The following TRPM7 variants were observed in gnomAD, a reference collection of about 807,000 sequenced individuals.
The protein encoded by TRPM7 is transient receptor potential cation channel subfamily M member 7.
TRPM7 carries 134 observed loss-of-function variants against 229.7 expected under a neutral mutation model. That is an observed-to-expected ratio of 0.58 (90% CI 0.51 to 0.67). The LOEUF (loss-of-function observed/expected upper bound fraction) is 0.67, where lower values mean the gene tolerates loss of function less well. Ranked by LOEUF, TRPM7 falls within the 30% of genes least tolerant of loss-of-function variation. The pLI is 0.00. For missense variants in TRPM7, 1,901 were observed against 2,210.0 expected (o/e 0.86, Z 2.80); for synonymous variants, 699 against 715.2 (o/e 0.98, Z 0.36).
At chr15:50,642,323 C>T (rs923135511) in intron 5 of TRPM7, among the ~76,000 whole-genome samples, 6 of 152,232 alleles carry the variant, frequency 3.9e-5, no homozygotes, top group African/African-American at 1.2e-4. Flanking sequence ...TATACCATCT[C>T]TGTCACAACT....
At position 50,605,005 on chromosome 15, in the gene TRPM7, G is replaced by A; in HGVS notation, c.2849C>T (p.Ala950Val). The change falls in exon 21 of 39, where the codon GCA becomes GTA. Residue 950 changes from alanine to valine, a missense_variant. Physicochemically the swap from Ala to Val is moderately conservative, Grantham distance 64. Transcript: ENST00000646667. ...AAAAACATGATTATCATATGCATTT[G>A]CAAAGTTCCATTTTGCTCCAAATCT... The part of the protein sequence containing the change: ...GLRFGAKWNF[A>V]NAYDNHVFVA... 2 of 1,613,834 alleles carry A rather than the reference G, an allele frequency of 1.2e-6. No individual in the cohort carries two copies. The highest frequency in any genetic ancestry group is 1.7e-6 in the Non-Finnish European group (2 of 1,179,888).
intron 1 of TRPM7, among the ~76,000 whole-genome samples, chr15:50,672,627 T>C (rs1490489735): frequency 2.0e-5 from 3 of 151,926 alleles, no homozygotes; most frequent in East Asian, 1.9e-4. Context: ...TAGAAAAAAG[T>C]AGCCAGGTGC....
intron 1 of TRPM7, among the ~76,000 whole-genome samples, chr15:50,669,641 T>C (rs1293018338): frequency 1.3e-5 from 2 of 151,880 alleles, no homozygotes. Context: ...GACACTGGAG[T>C]GAGAAAAAAT....
chr15:50,664,954 G>T (rs547330598), intron 1 of TRPM7, among the ~76,000 whole-genome samples: 1 of 152,100 alleles, frequency 6.6e-6, no homozygotes, highest in African/African-American at 2.4e-5. Context: ...GACAGAGCAA[G>T]ACCCTGTCTT....
intron 1 of TRPM7, among the ~76,000 whole-genome samples, chr15:50,663,277 T>C (rs921322605): frequency 2.6e-5 from 4 of 152,110 alleles, no homozygotes; most frequent in Non-Finnish European, 4.4e-5. Flanking sequence ...TACAGGCATG[T>C]GCCACTACGA....
chr15:50,619,134 A>G (rs560442028), intron 13 of TRPM7, among the ~76,000 whole-genome samples: 2 of 152,148 alleles, frequency 1.3e-5, no homozygotes, highest in African/African-American at 4.8e-5. Flanking sequence ...AAAAAGATAC[A>G]TTCTATCAAC....
chr15:50,650,013 G>A (rs2061372446), intron 3 of TRPM7, among the ~76,000 whole-genome samples: 2 of 151,674 alleles, frequency 1.3e-5, no homozygotes, highest in African/African-American at 4.8e-5. Context: ...TGGCCAACAT[G>A]GTGAACCGTC....
intron 12 of TRPM7, among the ~76,000 whole-genome samples, chr15:50,622,717 C>T (rs1056783827): frequency 6.6e-6 from 1 of 152,112 alleles, no homozygotes; most frequent in Non-Finnish European, 1.5e-5. Flanking sequence ...GAAACCCCAT[C>T]TCCACTAAAA....
chr15:50,615,964 T>C (rs564109248), intron 13 of TRPM7, among the ~76,000 whole-genome samples: 2 of 152,272 alleles, frequency 1.3e-5, no homozygotes, highest in East Asian at 3.9e-4. Flanking sequence ...ATCCTTTAAA[T>C]CTCTAATTTG....
intron 1 of TRPM7, among the ~76,000 whole-genome samples, chr15:50,681,195 G>C (rs2062233367): frequency 6.6e-6 from 1 of 151,946 alleles, no homozygotes; most frequent in African/African-American, 2.4e-5. Context: ...AGGTTGCAGT[G>C]AGCCAAGATC....
At chr15:50,658,675 A>G (rs1335789478) in intron 2 of TRPM7, among the ~76,000 whole-genome samples, 1 of 152,192 alleles carries the variant, frequency 6.6e-6, no homozygotes, top group Non-Finnish European at 1.5e-5. Context: ...GCCACTTGGC[A>G]ATACCCATCA....
At chr15:50,661,764 C>A (rs529038610) in intron 2 of TRPM7, among the ~76,000 whole-genome samples, 2 of 152,274 alleles carry the variant, frequency 1.3e-5, no homozygotes, top group African/African-American at 4.8e-5. Context: ...CACAGTGTGA[C>A]AGGAGACGGA....
intron 28 of TRPM7, among the ~76,000 whole-genome samples, chr15:50,583,580 G>T (rs28519397): frequency 0.086 from 11,746 of 136,656 alleles, 778 homozygotes; most frequent in African/African-American, 0.18. Context: ...TTAGAGTTTT[G>T]TTTTTTTTTT....
At chr15:50,613,655 T>G in intron 15 of TRPM7, 52 bp downstream of exon 15, 1 of 1,428,478 alleles carries the variant, frequency 7.0e-7, no homozygotes, top group South Asian at 1.6e-5. Flanking sequence ...ACTAAGTAAT[T>G]TAGAAAGAAG....
chr15:50,676,056 AAT>A (rs1021757457), intron 1 of TRPM7, among the ~76,000 whole-genome samples: 18 of 152,234 alleles, frequency 1.2e-4, no homozygotes, highest in African/African-American at 4.3e-4. Flanking sequence ...GTTTTAGCAC[AAT>A]GCATGGCACA....
At position 50,648,877 on chromosome 15, in the gene TRPM7, CA is replaced by C; in HGVS notation, c.130del (p.Cys44ValfsTer17). ...QICQQLVRCF[C>X]GRLVKQHACF... is the part of the protein sequence containing the mutation. ...AGCATGTTGCTTGACCAAGCGACCA[CA>C]AAAACACCTAAAAGAAAAAGGTGAG... On this transcript the variant is annotated frameshift_variant, in exon 4 of 39. Coordinates refer to ENST00000646667, the MANE Select transcript of TRPM7 (RefSeq NM_017672.6). LOFTEE classifies it high-confidence loss of function. The C allele has an allele frequency of 2.5e-6, 4 of 1,600,738 alleles. No individual in the cohort carries two copies. Among genetic ancestry groups the C allele is most frequent in the Admixed American group, 1.7e-5 (1 of 58,660 alleles).
intron 4 of TRPM7, among the ~76,000 whole-genome samples, chr15:50,644,155 G>A (rs1166113711): frequency 2.0e-5 from 3 of 152,024 alleles, no homozygotes; most frequent in Admixed American, 1.3e-4. Context: ...TCAGAAAATC[G>A]TAATCAACAT....
intron 22 of TRPM7, 41 bp downstream of exon 22, chr15:50,599,081 A>G: frequency 6.8e-7 from 1 of 1,462,318 alleles, no homozygotes; most frequent in Non-Finnish European, 9.3e-7. Context: ...TTTAAAACAC[A>G]AAATAACCAA....
Position 50,682,173 on chromosome 15 carries a change from C to CAAAA in TRPM7, c.3+4354_3+4357dup, listed in dbSNP as rs34590459. 1.2e-3 allele frequency among the ~76,000 whole-genome samples: 79 copies of CAAAA among 63,678 alleles called. 2 individuals are homozygous for CAAAA. The highest frequency in any genetic ancestry group is 5.0e-3 in the African/African-American group (75 of 15,004). The allele number at this position is 63,678 out of a possible 152,430, so 41.8% of individuals were successfully genotyped here. On this transcript the variant is annotated intron_variant, in intron 1 of 38. Coordinates refer to ENST00000646667, the MANE Select transcript of TRPM7 (RefSeq NM_017672.6). ...TGGGCAAAAGAGCAAAACTCAGTCTCAAAAAAAAAAAAAAAAAAGGACTGT... is the reference window on the plus strand; with the variant it reads ...TGGGCAAAAGAGCAAAACTCAGTCTCAAAAAAAAAAAAAAAAAAAAAAGGACTGT...
Sources: allele counts gnomAD v4.1 joint callset (sites outside exome capture counted in the v4.1 genomes callset), GRCh38; gene constraint gnomAD v4.1.1; transcripts MANE v1.5; gene names NCBI Gene and HGNC (gene_info 2026-07-23, HGNC 2026-07-21).